TRRAP: variants seen among roughly 807,000 people sequenced by gnomAD.
TRRAP encodes transformation/transcription domain-associated protein.
In TRRAP, 41 loss-of-function variants were observed where a neutral mutation model predicts 438.8. That is an observed-to-expected ratio of 0.09 (90% CI 0.07 to 0.12). The LOEUF (loss-of-function observed/expected upper bound fraction) is 0.12, where lower values mean the gene tolerates loss of function less well. Among genes scored for constraint, TRRAP ranks in the 10% least tolerant of loss-of-function variants. TRRAP has a pLI of 1.00. For synonymous variants in TRRAP, 1,994 were observed against 1,962.9 expected (o/e 1.02, Z -0.42); for missense variants, 3,122 against 5,055.1 (o/e 0.62, Z 11.60).
intron 67 of TRRAP, among the ~76,000 whole-genome samples, chr7:99,002,697 TGAAAG>T (rs1277743706): frequency 6.6e-6 from 1 of 151,458 alleles, no homozygotes; most frequent in Non-Finnish European, 1.5e-5. Flanking sequence ...GAGCTTAAAA[TGAAAG>T]GGAAACCAGA....
Position 98,994,508 on chromosome 7 carries a change from C to T in TRRAP, c.10048-79C>T. 1.9e-6 allele frequency: 3 copies of T among 1,584,262 alleles called. No individual in the cohort carries two copies. Among genetic ancestry groups the T allele is most frequent in the East Asian group, 2.2e-5 (1 of 44,616 alleles). ...AGATGACCCTGGGCTGGGAGGGCCGCACTCAATAGGCGCTTTTGGCTGCTG... is the reference window on the plus strand; with the variant it reads ...AGATGACCCTGGGCTGGGAGGGCCGTACTCAATAGGCGCTTTTGGCTGCTG... On this transcript the variant is annotated intron_variant, in intron 66 of 72. Transcript: ENST00000456197. The surrounding 1 kb of genome is among the most constrained non-coding windows in gnomAD (Gnocchi z 4.8).
chr7:99,002,162 G>C (rs1483212446), intron 67 of TRRAP, among the ~76,000 whole-genome samples: 1 of 152,032 alleles, frequency 6.6e-6, no homozygotes, highest in Non-Finnish European at 1.5e-5. Context: ...AGCTGTGAAG[G>C]GCAGCCAAGG....
intron 6 of TRRAP, among the ~76,000 whole-genome samples, chr7:98,894,129 C>G (rs1461176138): frequency 6.6e-6 from 1 of 152,116 alleles, no homozygotes; most frequent in Admixed American, 6.6e-5. Context: ...TTGGGCTGTT[C>G]TGGTATTTAT....
intron 58 of TRRAP, among the ~76,000 whole-genome samples, chr7:98,981,042 C>T (rs1470161765): frequency 6.6e-6 from 1 of 151,722 alleles, no homozygotes; most frequent in Non-Finnish European, 1.5e-5. Flanking sequence ...AGAGGGGGAC[C>T]CTGTCTCAAA....
chr7:98,995,890 TGTCCCATCTACACACCCGC>T (rs1349932749), intron 67 of TRRAP, among the ~76,000 whole-genome samples: 1 of 113,614 alleles, frequency 8.8e-6, no homozygotes, highest in Non-Finnish European at 1.5e-5. Flanking sequence ...TACACACCCC[TGTCCCATCTACACACCCGC>T]GTCCCATCCT....
At chr7:98,978,449 AC>A (rs1394885715) in intron 57 of TRRAP, 126 bp downstream of exon 57, 1 of 860,936 alleles carries the variant, frequency 1.2e-6, no homozygotes, top group Admixed American at 2.8e-5. Flanking sequence ...CACATAAAGA[AC>A]AAATAGAAAC....
At position 98,956,188 on chromosome 7, in the gene TRRAP, A is replaced by G. The variant is rs1791597216; in HGVS notation, c.5980A>G (p.Ser1994Gly). Residue 1994 changes from serine to glycine, a missense_variant, in exon 42 of 73, where the codon AGC becomes GGC. Coordinates refer to ENST00000456197, the MANE Select transcript of TRRAP (RefSeq NM_001375524.1). The surrounding 1 kb of genome is among the most constrained non-coding windows in gnomAD (Gnocchi z 4.5). The stretch of plus-strand genomic sequence containing the variant: ...GCACCACTTGGTGCAGCACATGGTG[A>G]GCGCCATGCAGAGGCTGGGCTTCAC... ...VRHHLVQHMV[S>G]AMQRLGFTPS... 6.2e-7 allele frequency: 1 copy of G among 1,612,978 alleles called. No individual in the cohort carries two copies. Among genetic ancestry groups the G allele is most frequent in the Non-Finnish European group, 8.5e-7 (1 of 1,179,976 alleles).
At chr7:98,966,792 T>G (rs1222642378) in intron 49 of TRRAP, among the ~76,000 whole-genome samples, 2 of 152,254 alleles carry the variant, frequency 1.3e-5, no homozygotes, top group African/African-American at 4.8e-5. Flanking sequence ...ATCATTTCAC[T>G]TAGATGCTTG....
chr7:99,008,580 CG>C lies in TRRAP; in HGVS notation c.10938+24del. 6.2e-7 allele frequency: 1 copy of C among 1,610,834 alleles called. No individual in the cohort carries two copies. Among genetic ancestry groups the C allele is most frequent in the Non-Finnish European group, 8.5e-7 (1 of 1,178,908 alleles). ...CCACCAGGTAGCAGTGGGGCCGGGCCGGGGGCCGAGCTGCCGCCTGCAGCCC... is the reference window on the plus strand; with the variant it reads ...CCACCAGGTAGCAGTGGGGCCGGGCCGGGGCCGAGCTGCCGCCTGCAGCCC... On this transcript the variant is annotated intron_variant, in intron 70 of 72. Coordinates refer to ENST00000456197, the MANE Select transcript of TRRAP (RefSeq NM_001375524.1).
At chr7:98,972,341 G>A (rs1792454502) in intron 53 of TRRAP, among the ~76,000 whole-genome samples, 2 of 152,192 alleles carry the variant, frequency 1.3e-5, no homozygotes, top group African/African-American at 4.8e-5. Flanking sequence ...GAGATTTGGA[G>A]TGTCACAGTG....
intron 3 of TRRAP, among the ~76,000 whole-genome samples, chr7:98,886,469 G>GAT (rs1795716696): frequency 6.6e-6 from 1 of 151,880 alleles, no homozygotes; most frequent in Non-Finnish European, 1.5e-5. Flanking sequence ...TATCTAGAGA[G>GAT]ATAGAGATAG....
chr7:98,984,456 G>A, intron 61 of TRRAP, 98 bp downstream of exon 61: 2 of 1,421,246 alleles, frequency 1.4e-6, no homozygotes, highest in South Asian at 3.2e-5. Context: ...TATAAGGAAG[G>A]TGGACTCGAA....
chr7:98,977,161 G>A, intron 56 of TRRAP, 85 bp downstream of exon 56: 1 of 1,571,432 alleles, frequency 6.4e-7, no homozygotes, highest in Non-Finnish European at 8.7e-7. Flanking sequence ...TCAAGTCGGA[G>A]TTCACGTTCT....
intron 1 of TRRAP, 95 bp downstream of exon 1, chr7:98,878,732 A>C (rs1554402529): frequency 2.0e-5 from 3 of 150,872 alleles, no homozygotes; most frequent in Admixed American, 2.0e-4. Flanking sequence ...CCGCGGAGGG[A>C]TGGAGCTGGG....
At chr7:98,888,133 G>A (rs1314271689) in intron 3 of TRRAP, among the ~76,000 whole-genome samples, 2 of 152,078 alleles carry the variant, frequency 1.3e-5, no homozygotes, top group African/African-American at 4.8e-5. Context: ...GGGAGGCTGA[G>A]GCAGGAGAAT....
intron 23 of TRRAP, among the ~76,000 whole-genome samples, chr7:98,928,749 T>C (rs1035984814): frequency 6.6e-6 from 1 of 152,036 alleles, no homozygotes; most frequent in African/African-American, 2.4e-5. Context: ...CCATTGTGGT[T>C]TTCTTTATTT....
intron 27 of TRRAP, 104 bp downstream of exon 27, chr7:98,933,506 G>T (rs983265397): frequency 1.2e-4 from 171 of 1,458,180 alleles, no homozygotes; most frequent in Non-Finnish European, 1.4e-4. Flanking sequence ...AGAAGGCTCG[G>T]GCGGGGACCT....
At chr7:98,954,299 A>G (rs1347975302) in intron 40 of TRRAP, among the ~76,000 whole-genome samples, 1 of 152,234 alleles carries the variant, frequency 6.6e-6, no homozygotes, top group African/African-American at 2.4e-5. Flanking sequence ...TTGGCAAGTT[A>G]ATGTCTCCGT....
chr7:98,878,927 C>T (rs1321391248), intron 1 of TRRAP, among the ~76,000 whole-genome samples: 1 of 152,108 alleles, frequency 6.6e-6, no homozygotes. Flanking sequence ...CCCGGGACGG[C>T]GACCAAAGGA....
Sources: gnomAD v4.1 joint callset for allele counts (sites outside exome capture counted in the v4.1 genomes callset) on GRCh38, gnomAD v4.1.1 for gene constraint, Gnocchi (gnomAD v3.1) non-coding constraint, MANE v1.5 for transcripts, NCBI Gene and HGNC (gene_info 2026-07-23, HGNC 2026-07-21) for gene names.